The following APPBP2 variants were observed in gnomAD, a reference collection of about 807,000 sequenced individuals.
APPBP2 encodes amyloid beta precursor protein binding protein 2.
Under a neutral mutation model 76.0 loss-of-function variants are expected in APPBP2, and 15 were observed. The ratio of observed to expected loss-of-function variants is 0.20; its 90% confidence interval spans 0.13 to 0.30. The LOEUF (loss-of-function observed/expected upper bound fraction) is 0.30. APPBP2 is among the 10% of genes least tolerant of loss of function. The pLI is 1.00. For missense variants in APPBP2, 401 were observed against 687.2 expected, an observed-to-expected ratio of 0.58 and a Z score of 4.66; for synonymous variants, 222 against 242.2, an observed-to-expected ratio of 0.92 and a Z score of 0.77.
intron 4 of APPBP2, among the ~76,000 whole-genome samples, chr17:60,474,402 G>C (rs1157205358): frequency 6.6e-6 from 1 of 151,996 alleles, no homozygotes; most frequent in Non-Finnish European, 1.5e-5. Flanking sequence ...TTGAACTCCT[G>C]ACCTTAGGTG....
chr17:60,465,798 T>C (rs779671155), intron 5 of APPBP2, among the ~76,000 whole-genome samples: 3 of 152,188 alleles, frequency 2.0e-5, no homozygotes, highest in Non-Finnish European at 2.9e-5. Flanking sequence ...ATTACACATG[T>C]ATATATTTCA....
intron 6 of APPBP2, 66 bp from the exon 7 acceptor site, chr17:60,462,127 T>C: frequency 8.2e-7 from 1 of 1,222,836 alleles, no homozygotes; most frequent in Admixed American, 1.7e-5. Flanking sequence ...TACGTGTAGT[T>C]TATATATTCT....
At chr17:60,459,809 T>C (rs1196888650) in intron 9 of APPBP2, 1 of 152,206 alleles carries the variant, frequency 6.6e-6, no homozygotes, top group African/African-American at 2.4e-5. Context: ...AGTCTTGACT[T>C]TGCTTCATGT....
At position 60,443,757 on chromosome 17, in the gene APPBP2, CAT is replaced by C. The variant is rs1178155979; in HGVS notation, c.*3822_*3823del. On this transcript the variant is annotated 3_prime_UTR_variant, in exon 13 of 13. Coordinates refer to ENST00000083182, the MANE Select transcript of APPBP2 (RefSeq NM_006380.5). ...AATCTTAAATTTTACTCTTGAAAAA[CAT>C]GTGCACTTCAACAAACTCACTAAGG... The C allele has an allele frequency of 3.3e-5, 5 of 152,544 alleles. No homozygotes were observed. Among genetic ancestry groups the C allele is most frequent in the Admixed American group, 1.3e-4 (2 of 15,264 alleles). 9.4% of individuals were successfully genotyped at this position (152,544 alleles called of 1,614,324 possible). A position where few individuals can be genotyped will look rare whatever the true frequency, so the allele number is the denominator to read the frequency against.
chr17:60,519,945 G>T (rs1221212296), intron 1 of APPBP2, among the ~76,000 whole-genome samples: 1 of 151,614 alleles, frequency 6.6e-6, no homozygotes, highest in Non-Finnish European at 1.5e-5. Flanking sequence ...CACCACACAT[G>T]GCTAATTTTT....
chr17:60,488,350 TTC>T (rs1487607615), intron 3 of APPBP2, among the ~76,000 whole-genome samples: 1 of 152,216 alleles, frequency 6.6e-6, no homozygotes, highest in Admixed American at 6.5e-5. Flanking sequence ...TTATATTAAA[TTC>T]TGTCTCTATA....
intron 4 of APPBP2, chr17:60,477,535 G>A (rs796507724): frequency 6.6e-6 from 1 of 151,632 alleles, no homozygotes; most frequent in African/African-American, 2.4e-5. Flanking sequence ...CAGAAGAGGG[G>A]GAAAAAAATG....
intron 1 of APPBP2, among the ~76,000 whole-genome samples, chr17:60,514,507 T>C (rs1006567148): frequency 6.6e-6 from 1 of 152,204 alleles, no homozygotes; most frequent in South Asian, 2.1e-4. Context: ...TAACAAACTT[T>C]TTATTCTCCC....
chr17:60,485,409 C>T (rs2090666056), intron 3 of APPBP2, among the ~76,000 whole-genome samples: 1 of 152,094 alleles, frequency 6.6e-6, no homozygotes, highest in African/African-American at 2.4e-5. Context: ...AGAGATTCAA[C>T]TTCTTTCTGG....
intron 4 of APPBP2, among the ~76,000 whole-genome samples, chr17:60,472,272 C>A (rs962899235): frequency 3.3e-5 from 5 of 152,172 alleles, no homozygotes; most frequent in African/African-American, 1.2e-4. Flanking sequence ...TGATAGAATT[C>A]ACTAGTGAAG....
intron 3 of APPBP2, among the ~76,000 whole-genome samples, chr17:60,481,573 C>T (rs1197836557): frequency 6.6e-6 from 1 of 152,150 alleles, no homozygotes; most frequent in Non-Finnish European, 1.5e-5. Context: ...CTTAGTTTGA[C>T]AATCCCTAAA....
In APPBP2 at chr17:60,461,802, T is replaced by A; in HGVS notation, c.936+8A>T. 1 of 1,586,360 alleles carries A rather than the reference T, an allele frequency of 6.3e-7. No individual in the cohort carries two copies. Among genetic ancestry groups the A allele is most frequent in the Non-Finnish European group, 8.6e-7 (1 of 1,160,634 alleles). ...GTTGAAAGAAAAAAAGGGTAACCAT[T>A]AACATACCTGATAAATTGCAACAGA... On this transcript the variant is annotated splice_region_variant and intron_variant, in intron 8 of 12. Coordinates refer to ENST00000083182, the MANE Select transcript of APPBP2 (RefSeq NM_006380.5).
intron 1 of APPBP2, among the ~76,000 whole-genome samples, chr17:60,501,356 T>C (rs914165424): frequency 1.3e-5 from 2 of 152,042 alleles, no homozygotes; most frequent in Admixed American, 6.6e-5. Flanking sequence ...AGACAAATAC[T>C]ATTGTCCCTC....
At chr17:60,515,491 G>C (rs758022665) in intron 1 of APPBP2, among the ~76,000 whole-genome samples, 28 of 152,174 alleles carry the variant, frequency 1.8e-4, no homozygotes, top group Non-Finnish European at 3.5e-4. Context: ...TGTGAAGCTT[G>C]ATAAATTTTT....
At chr17:60,513,192 T>C (rs544125945) in intron 1 of APPBP2, 2 of 367,776 alleles carry the variant, frequency 5.4e-6, no homozygotes, top group African/African-American at 2.2e-5. Context: ...AAGACAGCAG[T>C]GCAAGCGGCC....
chr17:60,476,219 A>G (rs955768964), intron 4 of APPBP2, among the ~76,000 whole-genome samples: 3 of 152,226 alleles, frequency 2.0e-5, no homozygotes, highest in African/African-American at 7.2e-5. Context: ...TTCTATTAAG[A>G]AAGGCTAGGA....
At chr17:60,499,379 A>G (rs558634924) in intron 2 of APPBP2, among the ~76,000 whole-genome samples, 1 of 151,210 alleles carries the variant, frequency 6.6e-6, no homozygotes, top group African/African-American at 2.4e-5. Context: ...CCTCAAAAAA[A>G]CTGGAAATAA....
At chr17:60,457,492 T>C (rs1160040028) in intron 9 of APPBP2, among the ~76,000 whole-genome samples, 1 of 152,162 alleles carries the variant, frequency 6.6e-6, no homozygotes, top group African/African-American at 2.4e-5. Context: ...AGTGATGCAA[T>C]CATGGCTCAC....
intron 3 of APPBP2, among the ~76,000 whole-genome samples, chr17:60,484,145 T>C (rs2090654175): frequency 6.6e-6 from 1 of 152,188 alleles, no homozygotes; most frequent in South Asian, 2.1e-4. Context: ...GTAGTATAGT[T>C]TGAAGTCAGG....
Sources: allele counts gnomAD v4.1 joint callset (sites outside exome capture counted in the v4.1 genomes callset), GRCh38; gene constraint gnomAD v4.1.1; transcripts MANE v1.5; gene names NCBI Gene and HGNC (gene_info 2026-07-23, HGNC 2026-07-21).